The following GPHN variants were observed in gnomAD, a reference collection of about 807,000 sequenced individuals.
GPHN encodes gephyrin.
Under a neutral mutation model 95.5 loss-of-function variants are expected in GPHN, and 17 were observed. That is an observed-to-expected ratio of 0.18 (90% confidence interval 0.12 to 0.27). The LOEUF (loss-of-function observed/expected upper bound fraction) is 0.27. Among genes scored for constraint, GPHN ranks in the 10% least tolerant of loss-of-function variants. GPHN has a pLI of 1.00. For missense variants in GPHN, 660 were observed against 978.1 expected, an observed-to-expected ratio of 0.67 and a Z score of 4.34; for synonymous variants, 320 against 322.5, an observed-to-expected ratio of 0.99 and a Z score of 0.08.
intron 3 of GPHN, among the ~76,000 whole-genome samples, chr14:66,822,237 A>G (rs577279333): frequency 6.6e-6 from 1 of 152,348 alleles, no homozygotes; most frequent in South Asian, 2.1e-4. Flanking sequence ...GGCGTGAGCC[A>G]CTGCGTCCAG....
the GPHN span, among the ~76,000 whole-genome samples, chr14:67,308,382 A>G: frequency 6.8e-6 from 1 of 147,756 alleles, no homozygotes. Context: ...CCTTACCTTC[A>G]TGAGTACTAA....
the GPHN span, chr14:67,347,489 C>A: frequency 6.7e-7 from 1 of 1,488,158 alleles, no homozygotes; most frequent in Non-Finnish European, 9.1e-7. Flanking sequence ...ATTCATAAAC[C>A]TTTAAGTTCT....
chr14:67,473,708 C>G, the GPHN span: 45 of 1,597,200 alleles, frequency 2.8e-5, no homozygotes, highest in South Asian at 7.9e-5. This position sits in a 1 kb window ranked among gnomAD's most constrained non-coding sequence, Gnocchi z 6.5. Context: ...GCAGGAGCAG[C>G]GGGCAGCGGC....
At chr14:67,675,241 C>T in the GPHN span, among the ~76,000 whole-genome samples, 2 of 152,292 alleles carry the variant, frequency 1.3e-5, no homozygotes, top group Admixed American at 6.5e-5. Flanking sequence ...GGGCGAGTGG[C>T]TCGCGCCTGT....
intron 1 of GPHN, among the ~76,000 whole-genome samples, chr14:66,581,862 G>A (rs1389456867): frequency 1.3e-5 from 2 of 151,926 alleles, no homozygotes; most frequent in Non-Finnish European, 2.9e-5. Flanking sequence ...AAATATATCT[G>A]CACCCAACAT....
At chr14:67,300,800 C>G in the GPHN span, among the ~76,000 whole-genome samples, 1 of 151,988 alleles carries the variant, frequency 6.6e-6, no homozygotes, top group Non-Finnish European at 1.5e-5. Flanking sequence ...GGTGATTGTT[C>G]CATTACACTC....
the GPHN span, among the ~76,000 whole-genome samples, chr14:67,453,000 G>A: frequency 6.6e-6 from 1 of 152,146 alleles, no homozygotes; most frequent in Non-Finnish European, 1.5e-5. Flanking sequence ...CTAGGGCATG[G>A]GGGTCTCCCT....
intron 12 of GPHN, 50 bp downstream of exon 12, chr14:67,089,125 CTTTTTTTCTTTTTTTTTT>C (rs2153668500): frequency 1.5e-4 from 50 of 326,434 alleles, no homozygotes; most frequent in Admixed American, 5.4e-4. Flanking sequence ...ATTTTTTTTT[CTTTTTTTCTTTTTTTTTT>C]TTTTTTTTTT....
chr14:67,683,037 T>TA, the GPHN span, among the ~76,000 whole-genome samples: 1 of 152,232 alleles, frequency 6.6e-6, no homozygotes, highest in Non-Finnish European at 1.5e-5. Context: ...GGCAAATTCT[T>TA]AGAGACATAA....
At chr14:66,746,314 G>A (rs1322186499) in intron 2 of GPHN, among the ~76,000 whole-genome samples, 1 of 152,136 alleles carries the variant, frequency 6.6e-6, no homozygotes, top group Non-Finnish European at 1.5e-5. Context: ...CTTATCCCAT[G>A]TGAATTTGTA....
At chr14:66,646,953 A>G (rs537887659) in intron 1 of GPHN, among the ~76,000 whole-genome samples, 65 of 152,020 alleles carry the variant, frequency 4.3e-4, no homozygotes, top group African/African-American at 1.2e-3. Context: ...CTGGAGTGCA[A>G]TGGCTCTATC....
chr14:67,412,192 C>T, the GPHN span: 6 of 652,822 alleles, frequency 9.2e-6, no homozygotes, highest in South Asian at 1.2e-4. Context: ...GGCGACGCCT[C>T]CCTGGCGCGT....
At chr14:67,546,107 T>A in the GPHN span, among the ~76,000 whole-genome samples, 3 of 152,214 alleles carry the variant, frequency 2.0e-5, no homozygotes, top group Non-Finnish European at 4.4e-5. Context: ...TTGAAGCCAC[T>A]TATTGCCATA....
At chr14:67,024,905 T>C (rs190256042) in intron 10 of GPHN, among the ~76,000 whole-genome samples, 64 of 152,288 alleles carry the variant, frequency 4.2e-4, no homozygotes, top group Admixed American at 1.9e-3. Context: ...TTTTGTTTTG[T>C]AAATCTGTTA....
chr14:66,800,494 C>G (rs2060308268), intron 3 of GPHN, among the ~76,000 whole-genome samples: 1 of 152,096 alleles, frequency 6.6e-6, no homozygotes, highest in Non-Finnish European at 1.5e-5. Flanking sequence ...ATAAATATGT[C>G]ATGCCCCTCT....
At chr14:67,604,395 T>C in the GPHN span, among the ~76,000 whole-genome samples, 1 of 152,222 alleles carries the variant, frequency 6.6e-6, no homozygotes, top group Non-Finnish European at 1.5e-5. Context: ...TTGTCCTGTT[T>C]AGGAAGCTTT....
chr14:66,773,494 C>T (rs748425463), intron 2 of GPHN, among the ~76,000 whole-genome samples: 10 of 151,738 alleles, frequency 6.6e-5, no homozygotes, highest in Non-Finnish European at 8.8e-5. Flanking sequence ...GCTGGGATTA[C>T]GGGTGCTCGC....
At chr14:67,541,758 C>T in the GPHN span, 1 of 999,286 alleles carries the variant, frequency 1.0e-6, no homozygotes, top group South Asian at 1.8e-5. Flanking sequence ...CCTTTGGTCC[C>T]CTCCCGTTCT....
At chr14:67,621,001 C>T in the GPHN span, 4 of 1,589,762 alleles carry the variant, frequency 2.5e-6, no homozygotes, top group Non-Finnish European at 3.5e-6. Flanking sequence ...TAGTGCAGGA[C>T]TAGTAATAGA....
Sources: gnomAD v4.1 joint callset for allele counts (sites outside exome capture counted in the v4.1 genomes callset) on GRCh38, gnomAD v4.1.1 for gene constraint, Gnocchi (gnomAD v3.1) non-coding constraint, MANE v1.5 for transcripts, NCBI Gene and HGNC (gene_info 2026-07-23, HGNC 2026-07-21) for gene names.